Variants in EDRF1 observed in about 807,000 individuals in gnomAD.
EDRF1 encodes the protein erythroid differentiation-related factor 1.
In EDRF1, 69 loss-of-function variants were observed where a neutral mutation model predicts 148.7. The ratio of observed to expected loss-of-function variants is 0.46; its 90% confidence interval spans 0.38 to 0.57. The LOEUF (loss-of-function observed/expected upper bound fraction) is 0.57, where lower values mean the gene tolerates loss of function less well. Among genes scored for constraint, EDRF1 ranks in the 20% least tolerant of loss-of-function variants. EDRF1 has a pLI of 0.00. For missense variants in EDRF1, 1,118 were observed against 1,478.7 expected (o/e 0.76, Z 4.00); for synonymous variants, 515 against 532.8 (o/e 0.97, Z 0.46).
chr10:125,742,988 A>G, intron 17 of EDRF1, 70 bp from the exon 18 acceptor site: 1 of 1,579,660 alleles, frequency 6.3e-7, no homozygotes, highest in East Asian at 2.3e-5. Context: ...TTAGAATCTC[A>G]GGTTCATTTG....
chr10:125,734,336 T>C (rs892439800), intron 12 of EDRF1, among the ~76,000 whole-genome samples, 153 bp downstream of exon 12: 4 of 152,156 alleles, frequency 2.6e-5, no homozygotes, highest in African/African-American at 7.2e-5. Context: ...ACTTAAAATG[T>C]GCTTTGTCTG....
intron 19 of EDRF1, chr10:125,747,308 A>G: frequency 1.8e-6 from 1 of 556,188 alleles, no homozygotes; most frequent in Non-Finnish European, 3.2e-6. Flanking sequence ...GGCTTCTTGT[A>G]GCCTTGAGAT....
At position 125,735,759 on chromosome 10, in the gene EDRF1, A is replaced by G; in HGVS notation, c.1613A>G (p.Glu538Gly). 2 of 1,613,876 alleles carry G rather than the reference A, an allele frequency of 1.2e-6. No individual in the cohort carries two copies. Among genetic ancestry groups the G allele is most frequent in the Non-Finnish European group, 1.7e-6 (2 of 1,179,816 alleles). Reference sequence around the variant, plus strand: ...AATTCTGATGAAAGTTATAGTGAAGAGGAGGAAGAGATGCCCGACAGTGAT... The same window carrying G: ...AATTCTGATGAAAGTTATAGTGAAGGGGAGGAAGAGATGCCCGACAGTGAT... The part of the protein sequence containing the change: ...NENSDESYSE[E>G]EEEMPDSDEN... The change falls in exon 13 of 25, where the codon GAG (glutamate) becomes GGG (glycine). Residue 538 changes from glutamate (E) to glycine (G), a missense_variant. This residue lies in a region of EDRF1 where 954 missense variants were observed against 1,241.4 expected (regional missense o/e 0.77). Transcript: ENST00000356792.
At chr10:125,720,636 C>T (rs1283108354) in intron 1 of EDRF1, among the ~76,000 whole-genome samples, 2 of 152,000 alleles carry the variant, frequency 1.3e-5, no homozygotes, top group Admixed American at 1.3e-4. Flanking sequence ...CATGGCAAAA[C>T]CCTGTCTCTA....
At chr10:125,733,844 G>A (rs1848595718) in intron 11 of EDRF1, 101 bp downstream of exon 11, 1 of 1,143,992 alleles carries the variant, frequency 8.7e-7, no homozygotes, top group Admixed American at 1.9e-5. Flanking sequence ...ATGCTTTTAG[G>A]TTTTCATAGT....
intron 6 of EDRF1, among the ~76,000 whole-genome samples, chr10:125,726,578 G>A (rs780409688): frequency 6.6e-6 from 1 of 152,118 alleles, no homozygotes; most frequent in African/African-American, 2.4e-5. Flanking sequence ...GATAAGTTAC[G>A]TCTTCCCTCT....
rs535804449 is a variant in EDRF1, at chr10:125,738,677, A to G, written c.1981+232A>G. On this transcript the variant is annotated intron_variant, in intron 15 of 24. Coordinates refer to ENST00000356792, the MANE Select transcript of EDRF1 (RefSeq NM_001202438.2). ...AGGAGCCTGCATCTTCCTGTTACCC[A>G]CAGTGGGGAACTAATGCTTCAGCCT... is the stretch of plus-strand genomic sequence containing the variant. 5.9e-5 allele frequency among the ~76,000 whole-genome samples: 9 copies of G among 152,296 alleles called. No homozygotes were observed. In the South Asian group the frequency reaches 1.9e-3, roughly 32 times the overall value.
At chr10:125,721,495 G>T in intron 2 of EDRF1, 83 bp downstream of exon 2, 1 of 1,267,612 alleles carries the variant, frequency 7.9e-7, no homozygotes, top group East Asian at 2.4e-5. Context: ...AGTTTGTAAT[G>T]CCTATTAACT....
Position 125,741,105 on chromosome 10 carries a change from G to A in EDRF1, c.2275G>A (p.Ala759Thr), listed in dbSNP as rs1397636767. ...GDIQLMLAQN[A>T]NNRAAHLEEF... ...TATCCAACTAATGCTGGCCCAGAAT[G>A]CAAATAATAGAGCAGCACACCTTGA... Residue 759 changes from alanine to threonine, a missense_variant, in exon 17 of 25, where the codon GCA (alanine) becomes ACA (threonine). This residue lies in a region of EDRF1 where 954 missense variants were observed against 1,241.4 expected (regional missense o/e 0.77). Transcript: ENST00000356792. 2.5e-6 allele frequency: 4 copies of A among 1,613,978 alleles called. No individual in the cohort carries two copies. The highest frequency in any genetic ancestry group is 3.4e-6 in the Non-Finnish European group (4 of 1,180,030).
chr10:125,738,098 A>ATT, intron 14 of EDRF1, 109 bp downstream of exon 14: 2 of 1,349,092 alleles, frequency 1.5e-6, no homozygotes, highest in Non-Finnish European at 2.1e-6. Flanking sequence ...TTCTGCTGCG[A>ATT]TTTTTTTTTC....
chr10:125,721,531 A>C, intron 2 of EDRF1, 119 bp downstream of exon 2: 1 of 963,242 alleles, frequency 1.0e-6, no homozygotes, highest in Non-Finnish European at 1.6e-6. Context: ...TTAGAGAAAG[A>C]TCACATTTGA....
rs946327382 is a variant in EDRF1 at position 125,719,749 on chromosome 10, T to C, written c.-59T>C. On this transcript the variant is annotated 5_prime_UTR_variant, in exon 1 of 25. Transcript: ENST00000356792. Reference sequence around the variant, plus strand: ...TCTGGCGCTTACCCTGCTTTGGGCCTGCGTTGCTGCTGCTGCTCCTCCGCT... The same window carrying C: ...TCTGGCGCTTACCCTGCTTTGGGCCCGCGTTGCTGCTGCTGCTCCTCCGCT... 7.0e-7 allele frequency: 1 copy of C among 1,418,722 alleles called. No individual in the cohort carries two copies. Among genetic ancestry groups the C allele is most frequent in the African/African-American group, 1.4e-5 (1 of 70,720 alleles). 87.9% of individuals were successfully genotyped at this position (1,418,722 alleles called of 1,614,324 possible).
chr10:125,729,573 G>C (rs1848407746), intron 8 of EDRF1, 94 bp downstream of exon 8: 1 of 1,506,764 alleles, frequency 6.6e-7, no homozygotes, highest in Non-Finnish European at 9.2e-7. Context: ...AGTGAGCCAA[G>C]ATCATGCTAC....
chr10:125,755,574 G>T (rs1176158109), intron 24 of EDRF1, among the ~76,000 whole-genome samples: 1 of 152,174 alleles, frequency 6.6e-6, no homozygotes, highest in African/African-American at 2.4e-5. Context: ...TTGGTACTAT[G>T]TCTTCATTAA....
At chr10:125,758,852 T>C (rs1850052558) in intron 24 of EDRF1, among the ~76,000 whole-genome samples, 1 of 152,144 alleles carries the variant, frequency 6.6e-6, no homozygotes, top group Non-Finnish European at 1.5e-5. Flanking sequence ...CAGACACTCG[T>C]GTCCCTGAGT....
chr10:125,724,878 C>G (rs531223927), intron 4 of EDRF1, among the ~76,000 whole-genome samples: 1 of 152,296 alleles, frequency 6.6e-6, no homozygotes, highest in South Asian at 2.1e-4. Context: ...AGGTAAATGA[C>G]ATTTAAAATA....
chr10:125,750,170 T>G (rs938849888), intron 22 of EDRF1, among the ~76,000 whole-genome samples: 32 of 151,978 alleles, frequency 2.1e-4, no homozygotes, highest in African/African-American at 7.5e-4. Flanking sequence ...AAAAAAAGAT[T>G]TAAATCGGCA....
At chr10:125,734,615 A>G (rs1317818969) in intron 12 of EDRF1, among the ~76,000 whole-genome samples, 1 of 152,102 alleles carries the variant, frequency 6.6e-6, no homozygotes, top group Non-Finnish European at 1.5e-5. Flanking sequence ...TTTTGTCGCT[A>G]TTAGACCTTG....
rs988282934 is a variant in EDRF1 at position 125,747,481 on chromosome 10, G to A, written c.2815-55G>A. The A allele has an allele frequency of 1.6e-5, 25 of 1,575,620 alleles. No individual in the cohort carries two copies. In the East Asian group the frequency reaches 4.3e-4, roughly 27 times the overall value. Reference sequence around the variant, plus strand: ...GTGAAGTGTGTTTTATTTTAATGCAGTATTGGTATATGTTTAAGCTGAGTC... The same window carrying A: ...GTGAAGTGTGTTTTATTTTAATGCAATATTGGTATATGTTTAAGCTGAGTC... On this transcript the variant is annotated intron_variant, in intron 19 of 24. Transcript: ENST00000356792.
Sources: allele counts gnomAD v4.1 joint callset (sites outside exome capture counted in the v4.1 genomes callset), GRCh38; gene constraint gnomAD v4.1.1; regional missense constraint gnomAD v4.1.1; transcripts MANE v1.5; gene names NCBI Gene and HGNC (gene_info 2026-07-23, HGNC 2026-07-21).